Variants in ASPH observed in about 807,000 individuals in gnomAD.
ASPH encodes the protein aspartate beta-hydroxylase, also known as aspartyl/asparaginyl beta-hydroxylase.
A neutral mutation model predicts 118.4 loss-of-function variants in ASPH; 100 were observed. That is an observed-to-expected ratio of 0.84 (90% CI 0.72 to 1.00). The LOEUF is 1.00. Among genes scored for constraint, ASPH ranks in the 50% least tolerant of loss-of-function variants. ASPH has a pLI of 0.00. For missense variants in ASPH, 920 were observed against 919.5 expected (o/e 1.00, Z -0.01); for synonymous variants, 315 against 325.6 (o/e 0.97, Z 0.35).
At chr8:61,563,751 C>G (rs1268187754) in intron 17 of ASPH, among the ~76,000 whole-genome samples, 1 of 152,238 alleles carries the variant, frequency 6.6e-6, no homozygotes, top group Non-Finnish European at 1.5e-5. Context: ...GCTTCCTTTT[C>G]TATACCTTTC....
At position 61,533,304 on chromosome 8, in the gene ASPH, G is replaced by C. The variant is rs574959348; in HGVS notation, c.1765-7192C>G. 2.0e-5 allele frequency among the ~76,000 whole-genome samples: 3 copies of C among 152,052 alleles called. No individual in the cohort carries two copies. In the South Asian group the frequency reaches 6.2e-4, roughly 32 times the overall value. The stretch of plus-strand genomic sequence containing the variant: ...AAATCACACTTTTTAATTTCTGAGA[G>C]CCCTTTCTGGGTCTTCAATTCTTCC... On this transcript the variant is annotated intron_variant, in intron 21 of 24. Transcript: ENST00000379454.
At chr8:61,521,670 G>A (rs930742154) in intron 22 of ASPH, among the ~76,000 whole-genome samples, 1 of 152,206 alleles carries the variant, frequency 6.6e-6, no homozygotes, top group African/African-American at 2.4e-5. Context: ...GTTGTCGTTT[G>A]ATTATTTCTC....
chr8:61,672,353 T>C (rs1414214808), intron 3 of ASPH, among the ~76,000 whole-genome samples: 1 of 151,864 alleles, frequency 6.6e-6, no homozygotes, highest in Non-Finnish European at 1.5e-5. Context: ...AGGGATTACA[T>C]CCAGAGACAG....
chr8:61,684,116 A>T lies in ASPH; in HGVS notation c.176T>A (p.Met59Lys), dbSNP rs779961202. 6.2e-7 allele frequency: 1 copy of T among 1,613,784 alleles called. No individual in the cohort carries two copies. Among genetic ancestry groups the T allele is most frequent in the South Asian group, 1.1e-5 (1 of 91,058 alleles). ...LSGTSFFTWFMVIALLGVWTS... is the reference protein window; with the variant it reads ...LSGTSFFTWFKVIALLGVWTS... ...CCAGACGCCCAGCAATGCAATCACC[A>T]TAAACCACGTGAAGAATGAAGTTCC... The change falls in exon 2 of 25, where the codon ATG becomes AAG. Residue 59 changes from methionine (M) to lysine (K), a missense_variant. Physicochemically the swap from Met to Lys is moderately conservative, Grantham distance 95 (BLOSUM62 -1). Transcript: ENST00000379454.
chr8:61,670,276 A>T (rs1821774581), intron 3 of ASPH, among the ~76,000 whole-genome samples: 1 of 152,000 alleles, frequency 6.6e-6, no homozygotes, highest in Non-Finnish European at 1.5e-5. Flanking sequence ...ATGAAATTAA[A>T]TTTTTTAAAA....
rs1291252526 is a variant in ASPH, at chr8:61,561,135, G to GAA, written c.1437+1608_1437+1609insTT. Among the ~76,000 whole-genome samples the GAA allele has an allele frequency of 1.7e-3, 227 of 135,682 alleles. 11 individuals are homozygous for GAA. Among genetic ancestry groups the GAA allele is most frequent in the African/African-American group, 4.3e-3 (149 of 34,874 alleles). 89.0% of individuals were successfully genotyped at this position (135,682 alleles called of 152,430 possible). Reference sequence around the variant, plus strand: ...GGGAGGGAGGGAGGGAGGGAGGGAGGGAGGAAGGAAGTTAGGAATTCTACA... The same window carrying GAA: ...GGGAGGGAGGGAGGGAGGGAGGGAGGAAGAGGAAGGAAGTTAGGAATTCTACA... On this transcript the variant is annotated intron_variant, in intron 18 of 24. Transcript: ENST00000379454.
intron 22 of ASPH, among the ~76,000 whole-genome samples, chr8:61,519,273 T>C (rs931618751): frequency 6.6e-6 from 1 of 152,210 alleles, no homozygotes; most frequent in African/African-American, 2.4e-5. Flanking sequence ...TTAGTACCTA[T>C]ATATATTTCA....
At chr8:61,694,708 T>C (rs532765448) in intron 1 of ASPH, among the ~76,000 whole-genome samples, 8 of 152,332 alleles carry the variant, frequency 5.3e-5, no homozygotes, top group African/African-American at 1.9e-4. Flanking sequence ...CTGTAATACT[T>C]GTTCCTATGC....
At chr8:61,503,609 C>T in intron 24 of ASPH, 100 bp from the exon 25 acceptor site, 3 of 1,189,180 alleles carry the variant, frequency 2.5e-6, no homozygotes, top group Non-Finnish European at 3.4e-6. Context: ...TTGGTAACAA[C>T]CTTTGGGACA....
chr8:61,689,759 T>C, intron 1 of ASPH: 2 of 1,532,184 alleles, frequency 1.3e-6, no homozygotes, highest in African/African-American at 2.8e-5. Flanking sequence ...TCAAAAGTAC[T>C]GCTGGCAGGT....
intron 5 of ASPH, among the ~76,000 whole-genome samples, chr8:61,647,431 G>A (rs1808594847): frequency 6.6e-6 from 1 of 152,176 alleles, no homozygotes; most frequent in African/African-American, 2.4e-5. Flanking sequence ...AGCACTTTGG[G>A]AGGCTGAGGC....
chr8:61,625,371 C>A (rs191121826), intron 13 of ASPH: 1 of 985,592 alleles, frequency 1.0e-6, no homozygotes, highest in African/African-American at 1.7e-5. Context: ...GAGCACTGAG[C>A]GGTCTCTAGT....
chr8:61,562,389 C>CTGTGTGTG (rs150312211), intron 18 of ASPH, among the ~76,000 whole-genome samples: 3 of 128,988 alleles, frequency 2.3e-5, no homozygotes, highest in Non-Finnish European at 3.2e-5. Flanking sequence ...GAAAGTGTGT[C>CTGTGTGTG]TGTGTGTGTG....
In ASPH at chr8:61,540,858, G is replaced by A. The variant is rs58595833; in HGVS notation, c.1764+7213C>T. ...CTGTAATCCTAGCACTTTAGGAGGC[G>A]GAGGTGGGTGGATCGCTTGAGCTCA... On this transcript the variant is annotated intron_variant, in intron 21 of 24. Coordinates refer to ENST00000379454, the MANE Select transcript of ASPH (RefSeq NM_004318.4). Among the ~76,000 whole-genome samples the A allele has an allele frequency of 9.2e-3, 1,400 of 152,214 alleles. 12 individuals are homozygous for A. Among genetic ancestry groups the A allele is most frequent in the African/African-American group, 0.032 (1,344 of 41,528 alleles).
intron 1 of ASPH, among the ~76,000 whole-genome samples, chr8:61,705,855 C>T (rs1836479063): frequency 2.0e-5 from 3 of 152,218 alleles, no homozygotes; most frequent in South Asian, 2.1e-4. Context: ...ATACTAATAC[C>T]TGCAACTTAC....
intron 3 of ASPH, chr8:61,665,346 T>C (rs1279280482): frequency 1.2e-6 from 2 of 1,613,950 alleles, no homozygotes; most frequent in Non-Finnish European, 8.5e-7. Flanking sequence ...CGGGATGCCA[T>C]TTTACTAGAA....
intron 21 of ASPH, among the ~76,000 whole-genome samples, chr8:61,529,251 G>A (rs988310609): frequency 2.0e-5 from 3 of 152,100 alleles, no homozygotes; most frequent in African/African-American, 2.4e-5. Context: ...TGCTCCCCTC[G>A]AGCAAAAGAG....
intron 18 of ASPH, 110 bp from the exon 19 acceptor site, chr8:61,556,132 G>C: frequency 1.1e-6 from 1 of 874,410 alleles, no homozygotes; most frequent in Non-Finnish European, 1.8e-6. Flanking sequence ...GTTGTACTTG[G>C]ATTGGATTAT....
intron 20 of ASPH, among the ~76,000 whole-genome samples, chr8:61,550,438 T>TACACACACACACACACAC (rs1208727854): frequency 1.4e-5 from 1 of 71,530 alleles, no homozygotes; most frequent in Non-Finnish European, 3.2e-5. Flanking sequence ...TATGCACATG[T>TACACACACACACACACAC]ACATACACAC....
Sources: gnomAD v4.1 joint callset for allele counts (sites outside exome capture counted in the v4.1 genomes callset) on GRCh38, gnomAD v4.1.1 for gene constraint, MANE v1.5 for transcripts, NCBI Gene and HGNC (gene_info 2026-07-23, HGNC 2026-07-21) for gene names.